ABCG2: variants seen among roughly 807,000 people sequenced by gnomAD.
ABCG2 encodes the protein broad substrate specificity ATP-binding cassette transporter ABCG2.
In ABCG2, 80 loss-of-function variants were observed where a neutral mutation model predicts 73.5. The ratio of observed to expected loss-of-function variants is 1.09; its 90% CI spans 0.91 to 1.31. ABCG2 has a LOEUF of 1.31. Among genes scored for constraint, ABCG2 ranks in the 50% most tolerant of loss-of-function variants. The pLI, the probability that ABCG2 is intolerant of heterozygous loss-of-function variation, is 0.00. For missense variants in ABCG2, 796 were observed against 786.2 expected (o/e 1.01, Z -0.15); for synonymous variants, 269 against 282.4 (o/e 0.95, Z 0.48).
chr4:88,120,312 C>A (rs1344040469), intron 6 of ABCG2, among the ~76,000 whole-genome samples: 2 of 152,210 alleles, frequency 1.3e-5, no homozygotes, highest in Middle Eastern at 6.3e-3. Context: ...ACAGGGCCCC[C>A]ACTGAGGCAC....
At chr4:88,194,463 T>C (rs759855391) in intron 1 of ABCG2, among the ~76,000 whole-genome samples, 16 of 141,946 alleles carry the variant, frequency 1.1e-4, no homozygotes, top group Non-Finnish European at 2.0e-4. Context: ...GGCAGGAGAA[T>C]GGCGTGAACC....
intron 13 of ABCG2, 41 bp downstream of exon 13, chr4:88,097,412 A>C: frequency 1.3e-6 from 2 of 1,597,984 alleles, no homozygotes; most frequent in Non-Finnish European, 1.7e-6. Context: ...AATGAAGGAA[A>C]AAAACAATTC....
intron 1 of ABCG2, among the ~76,000 whole-genome samples, chr4:88,211,590 T>G (rs1043614616): frequency 6.6e-6 from 1 of 152,120 alleles, no homozygotes; most frequent in African/African-American, 2.4e-5. Flanking sequence ...GTAATTTTTT[T>G]GTATTTTAAG....
At chr4:88,184,645 A>T (rs1273635139) in intron 1 of ABCG2, among the ~76,000 whole-genome samples, 1 of 152,204 alleles carries the variant, frequency 6.6e-6, no homozygotes, top group African/African-American at 2.4e-5. Flanking sequence ...CTACAGATTC[A>T]ATGCAATCCC....
intron 1 of ABCG2, among the ~76,000 whole-genome samples, chr4:88,148,596 G>C (rs745319903): frequency 1.3e-4 from 20 of 152,124 alleles, no homozygotes; most frequent in Admixed American, 2.6e-4. Flanking sequence ...AGTAAAGCCA[G>C]CAAGGTATCT....
chr4:88,136,622 C>T (rs531101310), intron 2 of ABCG2, among the ~76,000 whole-genome samples: 32 of 152,328 alleles, frequency 2.1e-4, no homozygotes, highest in African/African-American at 7.7e-4. Context: ...GATAGGATCA[C>T]TTGAGCCCAA....
At chr4:88,118,382 C>T (rs1723744644) in intron 6 of ABCG2, 122 bp from the exon 7 acceptor site, 6 of 986,408 alleles carry the variant, frequency 6.1e-6, no homozygotes, top group East Asian at 2.6e-5. Flanking sequence ...GTCTTACTAA[C>T]TTTTCATCTC....
intron 1 of ABCG2, among the ~76,000 whole-genome samples, chr4:88,181,140 G>A (rs193237186): frequency 3.8e-4 from 58 of 152,134 alleles, no homozygotes; most frequent in African/African-American, 1.3e-3. Context: ...GGTGGCTCAC[G>A]CCTGTAATCC....
At chr4:88,200,400 C>T (rs892257821) in intron 1 of ABCG2, among the ~76,000 whole-genome samples, 1 of 152,084 alleles carries the variant, frequency 6.6e-6, no homozygotes, top group Non-Finnish European at 1.5e-5. Context: ...AAATCTTGGC[C>T]TCAAGTGATC....
chr4:88,139,624 AG>A (rs1725486038), intron 2 of ABCG2, among the ~76,000 whole-genome samples, 168 bp downstream of exon 2: 1 of 152,176 alleles, frequency 6.6e-6, no homozygotes, highest in African/African-American at 2.4e-5. Flanking sequence ...AATGTGGCCC[AG>A]TTATTTCACT....
intron 1 of ABCG2, among the ~76,000 whole-genome samples, chr4:88,217,973 T>TAAAAAAA (rs34088003): frequency 7.2e-6 from 1 of 139,752 alleles, no homozygotes; most frequent in Non-Finnish European, 1.5e-5. Context: ...TTCTAAAAAT[T>TAAAAAAA]AAAAAAAAAA....
At chr4:88,155,198 G>A (rs1465338298) in intron 1 of ABCG2, among the ~76,000 whole-genome samples, 2 of 152,146 alleles carry the variant, frequency 1.3e-5, no homozygotes, top group African/African-American at 2.4e-5. Flanking sequence ...TTAGGATGGC[G>A]AAACCAGGTA....
At chr4:88,211,353 C>A (rs1386700977) in intron 1 of ABCG2, among the ~76,000 whole-genome samples, 1 of 57,534 alleles carries the variant, frequency 1.7e-5, no homozygotes, top group Non-Finnish European at 4.5e-5. Flanking sequence ...AATTGTTCAA[C>A]CCCTGCCCCA....
intron 10 of ABCG2, among the ~76,000 whole-genome samples, chr4:88,101,955 G>A (rs1462264833): frequency 6.6e-6 from 1 of 152,202 alleles, no homozygotes; most frequent in Non-Finnish European, 1.5e-5. Flanking sequence ...TGTACAAACA[G>A]AAAAGTGGTA....
intron 9 of ABCG2, among the ~76,000 whole-genome samples, chr4:88,112,597 G>A (rs1482420228): frequency 2.0e-5 from 3 of 151,898 alleles, no homozygotes; most frequent in African/African-American, 4.8e-5. Context: ...TGCCCATTTT[G>A]TTCACTACTG....
At chr4:88,167,536 C>G (rs936264384) in intron 1 of ABCG2, among the ~76,000 whole-genome samples, 1 of 152,006 alleles carries the variant, frequency 6.6e-6, no homozygotes, top group Admixed American at 6.6e-5. Context: ...CCATGCCCAG[C>G]TAATTTTTGT....
chr4:88,211,833 T>C lies in ABCG2; in HGVS notation c.-20+19161A>G, dbSNP rs149736927. 4.7e-3 allele frequency among the ~76,000 whole-genome samples: 721 copies of C among 152,258 alleles called. 2 individuals carry two copies. The highest frequency in any genetic ancestry group is 6.9e-3 in the Non-Finnish European group (469 of 68,010). Reference sequence around the variant, plus strand: ...AGGGAAAAACGGGATAAGCAATAAATAGAACTAGAGATGTGGGCCAGAGGG... The same window carrying C: ...AGGGAAAAACGGGATAAGCAATAAACAGAACTAGAGATGTGGGCCAGAGGG... On this transcript the variant is annotated intron_variant, in intron 1 of 15. Coordinates refer to the ABCG2 transcript ENST00000515655.
intron 1 of ABCG2, among the ~76,000 whole-genome samples, chr4:88,192,236 T>C (rs1451266199): frequency 6.6e-6 from 1 of 150,722 alleles, no homozygotes; most frequent in Admixed American, 6.6e-5. Context: ...GAAAGAAAAA[T>C]GACTACAAAT....
At chr4:88,201,209 C>CAAAAAAAAAAAAAAAAAAAAAAAAA (rs3061250) in intron 1 of ABCG2, among the ~76,000 whole-genome samples, 1 of 106,316 alleles carries the variant, frequency 9.4e-6, no homozygotes, top group Non-Finnish European at 1.9e-5. Context: ...GCACTAACTG[C>CAAAAAAAAAAAAAAAAAAAAAAAAA]AAAAAAAAAA....
Sources: allele counts gnomAD v4.1 joint callset (sites outside exome capture counted in the v4.1 genomes callset), GRCh38; gene constraint gnomAD v4.1.1; transcripts MANE v1.5; gene names NCBI Gene and HGNC (gene_info 2026-07-23, HGNC 2026-07-21).